The following UTRN variants were observed in gnomAD, a reference collection of about 807,000 sequenced individuals.
UTRN encodes the protein utrophin, also known as dystrophin-related protein 1.
A neutral mutation model predicts 463.9 loss-of-function variants in UTRN; 283 were observed. That is an observed-to-expected ratio of 0.61 (90% CI 0.55 to 0.67). The LOEUF is 0.67. UTRN is among the 30% of genes least tolerant of loss of function. The pLI, the probability that UTRN is intolerant of heterozygous loss-of-function variation, is 0.00. For missense variants in UTRN, 3,922 were observed against 4,084.3 expected (o/e 0.96, Z 1.08); for synonymous variants, 1,442 against 1,431.5 (o/e 1.01, Z -0.17).
intron 63 of UTRN, 81 bp from the exon 64 acceptor site, chr6:144,797,743 A>C (rs766510420): frequency 2.8e-6 from 4 of 1,434,590 alleles, no homozygotes; most frequent in Non-Finnish European, 3.8e-6. Flanking sequence ...ACAAATTTTC[A>C]GAAGATTATG....
chr6:144,808,112 T>C (rs1037532478), intron 65 of UTRN, among the ~76,000 whole-genome samples: 45 of 152,256 alleles, frequency 3.0e-4, no homozygotes, highest in Middle Eastern at 3.4e-3. Flanking sequence ...ATATCCTTGC[T>C]GGAATATTAT....
intron 2 of UTRN, among the ~76,000 whole-genome samples, chr6:144,336,498 C>G (rs955939451): frequency 6.6e-6 from 1 of 152,072 alleles, no homozygotes; most frequent in African/African-American, 2.4e-5. Flanking sequence ...TTTTTCCTGC[C>G]AACACCAAAG....
chr6:144,407,748 C>T (rs549451341), intron 3 of UTRN, among the ~76,000 whole-genome samples: 1 of 152,270 alleles, frequency 6.6e-6, no homozygotes, highest in South Asian at 2.1e-4. Flanking sequence ...GTAACCAAGA[C>T]AGTGCTCACT....
At chr6:144,448,093 A>G (rs780503175) in intron 16 of UTRN, among the ~76,000 whole-genome samples, 2 of 152,242 alleles carry the variant, frequency 1.3e-5, no homozygotes, top group Non-Finnish European at 2.9e-5. Flanking sequence ...ATTGGTTTGT[A>G]GACAGATATT....
chr6:144,425,024 G>A (rs1785172433), intron 6 of UTRN, among the ~76,000 whole-genome samples: 1 of 152,144 alleles, frequency 6.6e-6, no homozygotes, highest in Non-Finnish European at 1.5e-5. Flanking sequence ...GATTTTGTCA[G>A]TTGTCCCAAT....
chr6:144,601,226 A>T (rs1323912836), intron 51 of UTRN, among the ~76,000 whole-genome samples: 1 of 152,198 alleles, frequency 6.6e-6, no homozygotes, highest in Non-Finnish European at 1.5e-5. Context: ...TTCAAGTCTT[A>T]TTATTTAAGA....
At chr6:144,592,590 C>T (rs993543164) in intron 51 of UTRN, among the ~76,000 whole-genome samples, 91 of 152,186 alleles carry the variant, frequency 6.0e-4, no homozygotes, top group African/African-American at 2.1e-3. Context: ...ATGATAGTCT[C>T]GATCTCTTGA....
At chr6:144,818,921 A>G (rs1297510406) in intron 65 of UTRN, among the ~76,000 whole-genome samples, 2 of 149,430 alleles carry the variant, frequency 1.3e-5, no homozygotes, top group Non-Finnish European at 3.0e-5. Flanking sequence ...TCTGCCTGGT[A>G]AGAGCTGAAT....
chr6:144,821,824 A>G (rs948508482), intron 66 of UTRN, among the ~76,000 whole-genome samples: 1 of 152,148 alleles, frequency 6.6e-6, no homozygotes, highest in African/African-American at 2.4e-5. Context: ...CAGGATAAAT[A>G]TTCCTGCTAA....
intron 3 of UTRN, among the ~76,000 whole-genome samples, chr6:144,411,441 C>A (rs1783887391): frequency 6.6e-6 from 1 of 152,118 alleles, no homozygotes; most frequent in Non-Finnish European, 1.5e-5. Flanking sequence ...CAGCCTCCAG[C>A]CCTCACCTGA....
Position 144,793,951 on chromosome 6 carries a change from G to C in UTRN, c.9038G>C (p.Gly3013Ala). 6.2e-7 allele frequency: 1 copy of C among 1,614,076 alleles called. No individual in the cohort carries two copies. Among genetic ancestry groups the C allele is most frequent in the Non-Finnish European group, 8.5e-7 (1 of 1,179,976 alleles). ...CTAGGTGAAGTAGCAGCTTTTGGAG[G>C]CAGTAATATTGAGCCTAGTGTTCGC... ...RQLGEVAAFG[G>A]SNIEPSVRSC... Residue 3013 changes from glycine (G) to alanine (A), a missense_variant, in exon 63 of 75, where the codon GGC becomes GCC. Coordinates refer to ENST00000367545, the MANE Select transcript of UTRN (RefSeq NM_007124.3).
intron 32 of UTRN, 137 bp downstream of exon 32, chr6:144,491,239 C>A: frequency 1.2e-6 from 1 of 809,606 alleles, no homozygotes; most frequent in Non-Finnish European, 1.8e-6. Flanking sequence ...TGATGGAAAA[C>A]GTGTTAAAAA....
chr6:144,513,948 G>T lies in UTRN; in HGVS notation c.4984G>T (p.Ala1662Ser). The change falls in exon 36 of 75, where the codon GCT becomes TCT. Residue 1662 changes from alanine to serine, a missense_variant. Coordinates refer to ENST00000367545, the MANE Select transcript of UTRN (RefSeq NM_007124.3). ...GCTAGAAATATTTGATGGGAACGTG[G>T]CTCACATAAGTACCTGGCTTTATCA... ...NQLEIFDGNV[A>S]HISTWLYQAE... 6.2e-7 allele frequency: 1 copy of T among 1,613,956 alleles called. No individual in the cohort carries two copies. The highest frequency in any genetic ancestry group is 8.5e-7 in the Non-Finnish European group (1 of 1,179,938).
At chr6:144,570,035 T>C (rs1225974975) in intron 50 of UTRN, among the ~76,000 whole-genome samples, 7 of 152,188 alleles carry the variant, frequency 4.6e-5, no homozygotes, top group Non-Finnish European at 8.8e-5. Flanking sequence ...CTGACAAAAC[T>C]GTAAGATAAT....
intron 53 of UTRN, among the ~76,000 whole-genome samples, chr6:144,707,466 T>C (rs904595389): frequency 2.0e-5 from 3 of 152,142 alleles, no homozygotes; most frequent in African/African-American, 7.2e-5. Context: ...ACCTAATAGC[T>C]TGGAAAAATC....
chr6:144,625,859 A>G (rs1775889443), intron 51 of UTRN, among the ~76,000 whole-genome samples: 2 of 152,202 alleles, frequency 1.3e-5, no homozygotes, highest in African/African-American at 4.8e-5. Context: ...AGAAACATCA[A>G]ATGATGTTTA....
At chr6:144,362,790 T>C (rs1779191198) in intron 2 of UTRN, among the ~76,000 whole-genome samples, 2 of 152,236 alleles carry the variant, frequency 1.3e-5, no homozygotes, top group African/African-American at 4.8e-5. Context: ...ATGCAATATC[T>C]TGGGTCCTTA....
chr6:144,306,778 G>T (rs1188867657), intron 2 of UTRN, among the ~76,000 whole-genome samples: 1 of 151,922 alleles, frequency 6.6e-6, no homozygotes, highest in Non-Finnish European at 1.5e-5. Flanking sequence ...TCAAGAGGCC[G>T]GGTGTGGTGG....
At chr6:144,823,202 A>G (rs1219197980) in intron 66 of UTRN, among the ~76,000 whole-genome samples, 1 of 152,136 alleles carries the variant, frequency 6.6e-6, no homozygotes, top group Non-Finnish European at 1.5e-5. Context: ...AAAAAAAGGA[A>G]GAAGTGTAAG....
Sources: gnomAD v4.1 joint callset for allele counts (sites outside exome capture counted in the v4.1 genomes callset) on GRCh38, gnomAD v4.1.1 for gene constraint, MANE v1.5 for transcripts, NCBI Gene and HGNC (gene_info 2026-07-23, HGNC 2026-07-21) for gene names.